Variants in CCDC93 observed in about 807,000 individuals in gnomAD.
CCDC93 encodes the protein CCC complex scaffolding subunit CCDC93.
CCDC93 carries 61 observed loss-of-function variants against 108.2 expected under a neutral mutation model. The observed-to-expected ratio is 0.56, with a 90% CI of 0.46 to 0.70. The LOEUF is 0.70. Ranked by LOEUF, CCDC93 falls within the 30% of genes least tolerant of loss-of-function variation. CCDC93 has a pLI of 0.00. For missense variants in CCDC93, 685 were observed against 764.2 expected, an observed-to-expected ratio of 0.90 and a Z score of 1.22; for synonymous variants, 276 against 260.4, an observed-to-expected ratio of 1.06 and a Z score of -0.58.
At chr2:117,937,076 C>T (rs1403228488) in intron 20 of CCDC93, among the ~76,000 whole-genome samples, 2 of 152,198 alleles carry the variant, frequency 1.3e-5, no homozygotes, top group African/African-American at 4.8e-5. Flanking sequence ...CCACCACAGC[C>T]CTTTCTATCT....
chr2:117,935,397 C>T, intron 22 of CCDC93, 98 bp downstream of exon 22: 2 of 819,464 alleles, frequency 2.4e-6, no homozygotes, highest in Non-Finnish European at 4.1e-6. Flanking sequence ...GGATTGAGGG[C>T]ACACTCCCCA....
intron 7 of CCDC93, among the ~76,000 whole-genome samples, chr2:117,979,922 T>C (rs1680061729): frequency 6.6e-6 from 1 of 152,196 alleles, no homozygotes; most frequent in Non-Finnish European, 1.5e-5. Flanking sequence ...GAGTTTTCAA[T>C]ATGGAACAGT....
intron 7 of CCDC93, among the ~76,000 whole-genome samples, chr2:117,983,664 A>G (rs1227844949): frequency 2.2e-5 from 1 of 45,086 alleles, no homozygotes; most frequent in South Asian, 7.1e-4. Flanking sequence ...ATATATATAT[A>G]TATATATATA....
chr2:117,961,154 C>G (rs185452921), intron 11 of CCDC93, among the ~76,000 whole-genome samples: 8 of 152,196 alleles, frequency 5.3e-5, no homozygotes, highest in African/African-American at 1.9e-4. Context: ...TATGTAACAC[C>G]GAGAGGGAAA....
At chr2:117,935,450 C>T (rs778430285) in intron 22 of CCDC93, 45 bp downstream of exon 22, 1 of 1,438,742 alleles carries the variant, frequency 7.0e-7, no homozygotes, top group South Asian at 1.1e-5. Flanking sequence ...TTCCCTGTCA[C>T]CACTATAAAA....
chr2:118,010,365 T>C (rs1676992197), intron 1 of CCDC93, among the ~76,000 whole-genome samples: 1 of 152,188 alleles, frequency 6.6e-6, no homozygotes, highest in Non-Finnish European at 1.5e-5. Context: ...ATCTATTTAC[T>C]ATCATGAACT....
rs1678792351 is a variant in CCDC93, at chr2:117,944,081, G to A, written c.1356C>T (p.Asp452=). The change falls in exon 18 of 24, where the codon GAC becomes GAT. Residue 452 remains aspartate (D), a synonymous_variant. Transcript: ENST00000376300. ...TCTCCATATTATACCGTCTGTCTAG[G>A]TCTTCCTAAAAATTGGAAAAGGCTG... ...TLTSAMTHDE[D]LDRRYNMEKE... The A allele has an allele frequency of 6.3e-6, 10 of 1,596,284 alleles. No homozygotes were observed. Among genetic ancestry groups the A allele is most frequent in the Non-Finnish European group, 8.5e-6 (10 of 1,173,540 alleles).
chr2:117,941,680 G>A (rs113870251), intron 18 of CCDC93, among the ~76,000 whole-genome samples: 22 of 152,338 alleles, frequency 1.4e-4, no homozygotes, highest in African/African-American at 5.1e-4. Flanking sequence ...CAGATGATGG[G>A]AAGCTATGCC....
At chr2:117,949,699 A>C (rs1271443498) in intron 13 of CCDC93, 1 of 957,052 alleles carries the variant, frequency 1.0e-6, no homozygotes, top group Non-Finnish European at 1.2e-6. Context: ...TTACTTATTC[A>C]AAAATTAAAA....
At chr2:117,988,810 T>C (rs1328388970) in intron 6 of CCDC93, among the ~76,000 whole-genome samples, 2 of 152,252 alleles carry the variant, frequency 1.3e-5, no homozygotes, top group African/African-American at 2.4e-5. Context: ...ATCATTTCTG[T>C]AGAATTTCCT....
chr2:117,948,513 T>C (rs989959665), intron 14 of CCDC93, among the ~76,000 whole-genome samples: 2 of 152,230 alleles, frequency 1.3e-5, no homozygotes, highest in Admixed American at 6.5e-5. Flanking sequence ...TCGGGGCATA[T>C]ACAGTATTGA....
chr2:117,983,076 A>G (rs1284485428), intron 7 of CCDC93, among the ~76,000 whole-genome samples: 2 of 152,206 alleles, frequency 1.3e-5, no homozygotes, highest in Non-Finnish European at 2.9e-5. Flanking sequence ...AGAAAACACA[A>G]GTGTCTTCCA....
intron 6 of CCDC93, 119 bp downstream of exon 6, chr2:117,995,327 T>G: frequency 1.2e-6 from 1 of 803,476 alleles, no homozygotes; most frequent in Non-Finnish European, 2.1e-6. Flanking sequence ...GCCATCTGAG[T>G]CTAGCTCCTA....
chr2:118,006,905 A>G (rs1043802048), intron 2 of CCDC93, 89 bp from the exon 3 acceptor site: 2 of 752,412 alleles, frequency 2.7e-6, no homozygotes, highest in Admixed American at 4.4e-5. Flanking sequence ...AAATAGCTCT[A>G]ATAGACTCAG....
rs1434728404 is a variant in CCDC93 at position 117,918,472 on chromosome 2, AC to A, written c.*1870del. On this transcript the variant is annotated 3_prime_UTR_variant, in exon 24 of 24. Coordinates refer to ENST00000376300, the MANE Select transcript of CCDC93 (RefSeq NM_019044.5). Reference sequence around the variant, plus strand: ...ATCATGCCATACTTTCCCCATCAGCACAGAGGTGGACTCCAGTAACCCCAGA... The same window carrying A: ...ATCATGCCATACTTTCCCCATCAGCAAGAGGTGGACTCCAGTAACCCCAGA... 1 of 152,220 alleles carries A rather than the reference AC, an allele frequency of 6.6e-6. No individual in the cohort carries two copies. The highest frequency in any genetic ancestry group is 1.5e-5 in the Non-Finnish European group (1 of 68,042). The allele number at this position is 152,220 out of a possible 1,614,324, so 9.4% of individuals were successfully genotyped here.
chr2:117,927,062 C>T (rs995888480), intron 23 of CCDC93, among the ~76,000 whole-genome samples: 24 of 151,982 alleles, frequency 1.6e-4, no homozygotes, highest in African/African-American at 4.6e-4. Flanking sequence ...TTTGACAAAA[C>T]TCAACAACAC....
At chr2:117,951,043 T>C in intron 13 of CCDC93, 2 of 972,302 alleles carry the variant, frequency 2.1e-6, no homozygotes, top group Non-Finnish European at 2.4e-6. Flanking sequence ...AACAAATACT[T>C]GATTTAGTAT....
intron 11 of CCDC93, among the ~76,000 whole-genome samples, chr2:117,973,417 A>AG (rs1352980821): frequency 6.6e-6 from 1 of 150,548 alleles, no homozygotes; most frequent in Admixed American, 6.6e-5. Context: ...TAGGATGGAA[A>AG]AAAAAAAAAA....
intron 22 of CCDC93, chr2:117,931,401 G>T: frequency 2.8e-6 from 1 of 358,600 alleles, no homozygotes; most frequent in Non-Finnish European, 5.1e-6. Context: ...ATTTCACAAT[G>T]GACAGGTTGG....
Sources: gnomAD v4.1 joint callset for allele counts (sites outside exome capture counted in the v4.1 genomes callset) on GRCh38, gnomAD v4.1.1 for gene constraint, MANE v1.5 for transcripts, NCBI Gene and HGNC (gene_info 2026-07-23, HGNC 2026-07-21) for gene names.